The following AHNAK variants were observed in gnomAD, a reference collection of about 807,000 sequenced individuals.
AHNAK encodes the protein neuroblast differentiation-associated protein AHNAK.
Under a neutral mutation model 37.8 loss-of-function variants are expected in AHNAK, and 23 were observed. The observed-to-expected ratio is 0.61, with a 90% CI of 0.44 to 0.86. The LOEUF is 0.86. Ranked by LOEUF, AHNAK falls within the 40% of genes least tolerant of loss-of-function variation. The pLI, the probability that AHNAK is intolerant of heterozygous loss-of-function variation, is 0.00. For synonymous variants in AHNAK, 2,481 were observed against 2,636.3 expected, an observed-to-expected ratio of 0.94 and a Z score of 1.80; for missense variants, 7,411 against 7,319.4, an observed-to-expected ratio of 1.01 and a Z score of -0.46.
intron 5 of AHNAK, among the ~76,000 whole-genome samples, chr11:62,437,956 G>C (rs1787214821): frequency 6.6e-6 from 1 of 151,904 alleles, no homozygotes; most frequent in Non-Finnish European, 1.5e-5. Context: ...GAGTGCAGTG[G>C]CATGATCATA....
rs139421650 is a variant in AHNAK, at chr11:62,525,030, G to C, written c.9387C>G (p.Gly3129=). The change falls in exon 5 of 5, where the codon GGC becomes GGG. Residue 3129 remains glycine, a synonymous_variant. Transcript: ENST00000378024. ...CTGGGGCATTAATATCCACTTTGGG[G>C]CCTTTAATATCCACGTCAGGAACTT... is the stretch of plus-strand genomic sequence containing the variant. ...DMKVPDVDIK[G]PKVDINAPDV... 24 of 1,612,960 alleles carry C rather than the reference G, an allele frequency of 1.5e-5. No individual in the cohort carries two copies. In the African/African-American group the frequency reaches 2.4e-4, roughly 16 times the overall value.
At position 62,527,757 on chromosome 11, in the gene AHNAK, G is replaced by C. The variant is rs373781950; in HGVS notation, c.6660C>G (p.Ile2220Met). 2 of 1,614,020 alleles carry C rather than the reference G, an allele frequency of 1.2e-6. No homozygotes were observed. Among genetic ancestry groups the C allele is most frequent in the Non-Finnish European group, 1.7e-6 (2 of 1,179,998 alleles). ...CATCAATGTCCACTTTGGGCCCTCT[G>C]ATGTCAACATCTGGCACTTTCATTT... is the stretch of plus-strand genomic sequence containing the variant. ...EGEMKVPDVDIRGPKVDIDAP... is the reference protein window; with the variant it reads ...EGEMKVPDVDMRGPKVDIDAP... Residue 2220 changes from isoleucine to methionine, a missense_variant, in exon 5 of 5, where the codon ATC (isoleucine) becomes ATG (methionine). Transcript: ENST00000378024.
chr11:62,444,541 G>C (rs7942143), intron 5 of AHNAK, among the ~76,000 whole-genome samples: 64 of 152,320 alleles, frequency 4.2e-4, no homozygotes, highest in African/African-American at 1.5e-3. Flanking sequence ...GCAGCTGCTC[G>C]CCCTCCAGGA....
Position 62,530,178 on chromosome 11 carries a change from G to A in AHNAK, c.4239C>T (p.Val1413=). 6.2e-7 allele frequency: 1 copy of A among 1,612,330 alleles called. No individual in the cohort carries two copies. The change falls in exon 5 of 5, where the codon GTC becomes GTT. Residue 1413 remains valine (V), a synonymous_variant. Transcript: ENST00000378024. ...CTTCAGCATCCATTTTGGGTCCTGA[G>A]ACATCAACGTCAGCTTTGGGCAGCT... ...DVKLPKADVD[V]SGPKMDAEVP... is the part of the protein sequence containing the mutation.
At position 62,491,934 on chromosome 11, in the gene AHNAK, C is replaced by T. The variant is rs781067462; in HGVS notation, c.343-103G>A. ...GGTGTATAAAATACCAGAGACCCCA[C>T]GTTTACCACTACCACCCCCCAACAC... On this transcript the variant is annotated intron_variant, in intron 4 of 5. Coordinates refer to the AHNAK transcript ENST00000257247. The T allele has an allele frequency of 1.8e-5, 18 of 1,023,688 alleles. No individual in the cohort carries two copies. In the South Asian group the frequency reaches 1.9e-4, roughly 11 times the overall value. 63.4% of individuals were successfully genotyped at this position (1,023,688 alleles called of 1,614,324 possible).
intron 5 of AHNAK, among the ~76,000 whole-genome samples, chr11:62,445,938 C>A (rs546750638): frequency 1.0e-3 from 153 of 150,220 alleles, no homozygotes; most frequent in Non-Finnish European, 1.9e-3. Flanking sequence ...ATCACTTGAA[C>A]CCAGGAGGCG....
intron 5 of AHNAK, among the ~76,000 whole-genome samples, chr11:62,435,537 G>A (rs71490379): frequency 0.07 from 7,985 of 114,272 alleles, 286 homozygotes; most frequent in African/African-American, 0.11. Context: ...TCAGCCTCCC[G>A]AGTAGCTGGG....
chr11:62,435,776 G>C (rs536966121), intron 5 of AHNAK, among the ~76,000 whole-genome samples: 1 of 152,026 alleles, frequency 6.6e-6, no homozygotes, highest in African/African-American at 2.4e-5. Flanking sequence ...TTGAACTCCT[G>C]GACTCAAGCA....
chr11:62,503,723 G>A (rs1375132474), intron 4 of AHNAK, among the ~76,000 whole-genome samples: 7 of 151,702 alleles, frequency 4.6e-5, no homozygotes, highest in Admixed American at 3.9e-4. Context: ...ATTTCCTTTT[G>A]ATAAACAGTA....
Position 62,491,786 on chromosome 11 carries a change from GT to G in AHNAK, c.387del (p.Lys129AsnfsTer37), listed in dbSNP as rs1380095856. 2 of 1,612,920 alleles carry G rather than the reference GT, an allele frequency of 1.2e-6. No homozygotes were observed. Among genetic ancestry groups the G allele is most frequent in the African/African-American group, 2.7e-5 (2 of 74,900 alleles). Reference sequence around the variant, plus strand: ...CCGGCTTGGCTGCTGGCTTCCTTCTGTTTGTTCTGGTCTTTGCATTCCAGTG... The same window carrying G: ...CCGGCTTGGCTGCTGGCTTCCTTCTGTTGTTCTGGTCTTTGCATTCCAGTG... On this transcript the variant is annotated frameshift_variant, in exon 5 of 6. Transcript: ENST00000257247. LOFTEE classifies it high-confidence loss of function.
In AHNAK at chr11:62,525,317, C is replaced by T. The variant is rs1394260931; in HGVS notation, c.9100G>A (p.Gly3034Ser). 5.0e-6 allele frequency: 8 copies of T among 1,613,120 alleles called. No homozygotes were observed. Among genetic ancestry groups the T allele is most frequent in the Non-Finnish European group, 6.8e-6 (8 of 1,179,826 alleles). Residue 3034 changes from glycine to serine, a missense_variant, in exon 5 of 5, where the codon GGC (glycine) becomes AGC (serine). Gly to Ser is a moderately conservative substitution (Grantham distance 56). Transcript: ENST00000378024. ...KVKMPKFSMP[G>S]FKGEGPDVDV... The stretch of plus-strand genomic sequence containing the variant: ...ACATCTGGGCCCTCTCCTTTGAAGC[C>T]AGGCATGCTGAATTTGGGCATTTTC...
rs760889465 is a variant in AHNAK, at chr11:62,533,252, C to T, written c.1165G>A (p.Ala389Thr). Residue 389 changes from alanine to threonine, a missense_variant, in exon 5 of 5, where the codon GCC becomes ACC. Physicochemically the swap from Ala to Thr is moderately conservative, Grantham distance 58. Coordinates refer to ENST00000378024, the MANE Select transcript of AHNAK (RefSeq NM_001620.3). ...ACCCCAATGTGCCCCTGTGGCTTGG[C>T]ACCTTTCAGGCCTAGGTCACCCTCA... ...SLEGDLGLKGAKPQGHIGVDA... is the reference protein window; with the variant it reads ...SLEGDLGLKGTKPQGHIGVDA... The T allele has an allele frequency of 3.0e-5, 46 of 1,525,946 alleles. No individual in the cohort carries two copies. Among genetic ancestry groups the T allele is most frequent in the Middle Eastern group, 3.5e-4 (2 of 5,646 alleles). 94.5% of individuals were successfully genotyped at this position (1,525,946 alleles called of 1,614,324 possible).
In AHNAK at chr11:62,533,158, A is replaced by G. The variant is rs773486211; in HGVS notation, c.1259T>C (p.Ile420Thr). 7.1e-6 allele frequency: 11 copies of G among 1,538,612 alleles called. No homozygotes were observed. The highest frequency in any genetic ancestry group is 9.6e-6 in the Non-Finnish European group (11 of 1,148,976). Residue 420 changes from isoleucine (I) to threonine (T), a missense_variant, in exon 5 of 5, where the codon ATT (isoleucine) becomes ACT (threonine). Coordinates refer to ENST00000378024, the MANE Select transcript of AHNAK (RefSeq NM_001620.3). ...TTTGCTCCCAGGCCCCTGAACATCA[A>G]TGTCAGGGGCCTGAACTTCCACACT... The part of the protein sequence containing the change: ...GPSVEVQAPD[I>T]DVQGPGSKLN...
At chr11:62,436,438 A>C (rs960151245) in intron 5 of AHNAK, among the ~76,000 whole-genome samples, 5 of 152,104 alleles carry the variant, frequency 3.3e-5, no homozygotes, top group African/African-American at 1.2e-4. Context: ...ACCAGCTGTG[A>C]TACTCAGACA....
intron 5 of AHNAK, among the ~76,000 whole-genome samples, chr11:62,454,657 C>T (rs1205603286): frequency 6.6e-6 from 1 of 152,000 alleles, no homozygotes; most frequent in African/African-American, 2.4e-5. Flanking sequence ...GCCCAGAAAC[C>T]CCCAGCCTTT....
rs780539355 is a variant in AHNAK, at chr11:62,531,881, C to T, written c.2536G>A (p.Glu846Lys). Reference sequence around the variant, plus strand: ...AGTTCAACATCAGGAACTTTAATCTCACTTTCAACCTTTGGCATTGTGACA... The same window carrying T: ...AGTTCAACATCAGGAACTTTAATCTTACTTTCAACCTTTGGCATTGTGACA... Reference protein sequence around the residue: ...YDVTMPKVESEIKVPDVELKS... With the variant: ...YDVTMPKVESKIKVPDVELKS... The change falls in exon 5 of 5, where the codon GAG becomes AAG. Residue 846 changes from glutamate to lysine, a missense_variant. Transcript: ENST00000378024. The T allele has an allele frequency of 2.4e-5, 39 of 1,613,276 alleles. No homozygotes were observed. The highest frequency in any genetic ancestry group is 3.2e-5 in the Non-Finnish European group (38 of 1,179,850).
chr11:62,528,876 C>T lies in AHNAK; in HGVS notation c.5541G>A (p.Glu1847=). The T allele has an allele frequency of 6.2e-7, 1 of 1,613,212 alleles. No individual in the cohort carries two copies. The highest frequency in any genetic ancestry group is 8.5e-7 in the Non-Finnish European group (1 of 1,179,800). ...KLKGPKFKMP[E]MHFKAPKISM... is the part of the protein sequence containing the mutation. The stretch of plus-strand genomic sequence containing the variant: ...AGATCTTGGGGGCCTTGAAGTGCAT[C>T]TCAGGCATCTTAAACTTGGGCCCTT... The change falls in exon 5 of 5, where the codon GAG becomes GAA. Residue 1847 remains glutamate (E), a synonymous_variant. Transcript: ENST00000378024.
chr11:62,515,526 T>C (rs915215258), downstream of AHNAK, among the ~76,000 whole-genome samples: 2 of 152,216 alleles, frequency 1.3e-5, no homozygotes, highest in African/African-American at 2.4e-5. Context: ...CCTGCAGCCA[T>C]GTCAGGAATA....
At chr11:62,484,223 T>A (rs186972894) in intron 5 of AHNAK, among the ~76,000 whole-genome samples, 258 of 150,118 alleles carry the variant, frequency 1.7e-3, no homozygotes, top group African/African-American at 5.6e-3. Flanking sequence ...CAAAAAAAAT[T>A]TTTTTTTAAT....
Sources: gnomAD v4.1 joint callset for allele counts (sites outside exome capture counted in the v4.1 genomes callset) on GRCh38, gnomAD v4.1.1 for gene constraint, MANE v1.5 for transcripts, NCBI Gene and HGNC (gene_info 2026-07-23, HGNC 2026-07-21) for gene names.